ARID1A: variants seen among roughly 807,000 people sequenced by gnomAD.
ARID1A encodes the protein AT-rich interaction domain 1A.
In ARID1A, 20 loss-of-function variants were observed where a neutral mutation model predicts 212.6. The observed-to-expected ratio is 0.09, with a 90% confidence interval of 0.07 to 0.14. ARID1A has a LOEUF of 0.14. ARID1A is among the 10% of genes least tolerant of loss of function. The probability of loss-of-function intolerance (pLI) is 1.00; values close to 1 mark genes in which losing one functional copy is unlikely to be tolerated. For synonymous variants in ARID1A, 1,376 were observed against 1,222.1 expected, an observed-to-expected ratio of 1.13 and a Z score of -2.63; for missense variants, 2,587 against 3,059.0, an observed-to-expected ratio of 0.85 and a Z score of 3.64.
intron 4 of ARID1A, among the ~76,000 whole-genome samples, chr1:26,736,095 C>T (rs913573254): frequency 4.6e-5 from 7 of 151,878 alleles, no homozygotes; most frequent in Admixed American, 3.3e-4. Flanking sequence ...GAGGCCAAGG[C>T]GGGCAGATCA....
intron 1 of ARID1A, among the ~76,000 whole-genome samples, chr1:26,719,480 G>A (rs2080539034): frequency 6.6e-6 from 1 of 152,136 alleles, no homozygotes; most frequent in South Asian, 2.1e-4. Flanking sequence ...TGCTGGAGAT[G>A]GATTTGCACT....
chr1:26,768,168 G>A (rs893222407), intron 11 of ARID1A, among the ~76,000 whole-genome samples, 169 bp downstream of exon 11: 1 of 152,104 alleles, frequency 6.6e-6, no homozygotes, highest in African/African-American at 2.4e-5. Context: ...AGAAGATAAG[G>A]CAGGAAGCAG....
rs2080268412 is a variant in ARID1A at position 26,696,879 on chromosome 1, C to A, written c.476C>A (p.Ser159Tyr). The change falls in exon 1 of 20, where the codon TCT (serine) becomes TAT (tyrosine). Residue 159 changes from serine (S) to tyrosine (Y), a missense_variant. Ser to Tyr is a moderately radical substitution (Grantham distance 144). Around this residue, in one of 11 missense-constraint regions of ARID1A, gnomAD observed 735 missense variants for 590.6 expected, o/e 1.24. Transcript: ENST00000324856. The stretch of plus-strand genomic sequence containing the variant: ...GGGCAACCCTACGGCCGGAGCCCGT[C>A]TGCCGTCGCCGCCGCCGCGGCCGCC... ...GFGQPYGRSP[S>Y]AVAAAAAAVF... 2 of 1,361,128 alleles carry A rather than the reference C, an allele frequency of 1.5e-6. No homozygotes were observed. Among genetic ancestry groups the A allele is most frequent in the South Asian group, 3.8e-5 (2 of 52,462 alleles). The allele number at this position is 1,361,128 out of a possible 1,614,324, so 84.3% of individuals were successfully genotyped here. A position where few individuals can be genotyped will look rare whatever the true frequency, so the allele number is the denominator to read the frequency against.
rs1157530225 is a variant in ARID1A, at chr1:26,772,636, A to G, written c.3539+4A>G. The G allele has an allele frequency of 6.2e-6, 10 of 1,614,228 alleles. No homozygotes were observed. The highest frequency in any genetic ancestry group is 8.5e-6 in the Non-Finnish European group (10 of 1,180,038). On this transcript the variant is annotated splice_donor_region_variant and intron_variant, in intron 13 of 19. Coordinates refer to ENST00000324856, the MANE Select transcript of ARID1A (RefSeq NM_006015.6). ...TCCCCCCATTGCCAGGCATGAGGTA[A>G]GGCCAAGAGCAGGGGCAGATGGTTG...
rs757587518 is a variant in ARID1A, at chr1:26,773,819, A to G, written c.4022A>G (p.Asn1341Ser). Residue 1341 changes from asparagine (N) to serine (S), a missense_variant, in exon 17 of 20, where the codon AAT becomes AGT. By Grantham distance (46) the Asn-to-Ser change is conservative (BLOSUM62 1). This residue lies in a region of ARID1A where 890 missense variants were observed against 1,098.2 expected (regional missense o/e 0.81). Transcript: ENST00000324856. Reference sequence around the variant, plus strand: ...TCCTATAGACATGATTCCTATGGCAATCAGTTCTCCACCCAAGGCACCCCT... The same window carrying G: ...TCCTATAGACATGATTCCTATGGCAGTCAGTTCTCCACCCAAGGCACCCCT... ...QQQQRHDSYG[N>S]QFSTQGTPSG... 1.2e-6 allele frequency: 2 copies of G among 1,614,172 alleles called. No individual in the cohort carries two copies. Among genetic ancestry groups the G allele is most frequent in the Non-Finnish European group, 1.7e-6 (2 of 1,180,016 alleles).
intron 19 of ARID1A, 121 bp downstream of exon 19, chr1:26,775,828 G>A (rs111493866): frequency 6.8e-7 from 1 of 1,463,980 alleles, no homozygotes; most frequent in Non-Finnish European, 9.4e-7. Context: ...TATCTTCCAT[G>A]CCAGTACTTT....
intron 4 of ARID1A, among the ~76,000 whole-genome samples, chr1:26,739,310 G>C (rs1043753750): frequency 6.6e-6 from 1 of 152,228 alleles, no homozygotes; most frequent in African/African-American, 2.4e-5. Flanking sequence ...GAAGAGGTTA[G>C]CTAGTGCTTC....
At position 26,732,717 on chromosome 1, in the gene ARID1A, C is replaced by T; in HGVS notation, c.1845C>T (p.Ala615=). Residue 615 remains alanine, a synonymous_variant, in exon 4 of 20, where the codon GCC becomes GCT. Transcript: ENST00000324856. ...CATTTGGGTCTCAGGCATCCTCAGC[C>T]CCCTCAATGACCTCCAGTAAGGGAG... The part of the protein sequence containing the change: ...QDSFGSQASS[A]PSMTSSKGGQ... The T allele has an allele frequency of 6.2e-7, 1 of 1,614,040 alleles. No homozygotes were observed. The highest frequency in any genetic ancestry group is 1.3e-5 in the African/African-American group (1 of 75,022).
intron 8 of ARID1A, 68 bp downstream of exon 8, chr1:26,763,353 A>G: frequency 6.8e-7 from 1 of 1,472,418 alleles, no homozygotes; most frequent in Non-Finnish European, 9.1e-7. Flanking sequence ...CAGATTATTG[A>G]GATGCTTCTG....
chr1:26,752,691 T>G (rs2080895341), intron 4 of ARID1A, among the ~76,000 whole-genome samples: 1 of 152,238 alleles, frequency 6.6e-6, no homozygotes, highest in Admixed American at 6.5e-5. Flanking sequence ...CCTCCCATTC[T>G]TCAGCATGAG....
At position 26,781,751 on chromosome 1, in the gene ARID1A, A is replaced by G. The variant is rs1317726068; in HGVS notation, c.*995A>G. 7.3e-5 allele frequency: 17 copies of G among 233,662 alleles called. No homozygotes were observed. In the East Asian group the frequency reaches 9.0e-4, roughly 12 times the overall value. The allele number at this position is 233,662 out of a possible 1,614,324, so 14.5% of individuals were successfully genotyped here. A position where few individuals can be genotyped will look rare whatever the true frequency, so the allele number is the denominator to read the frequency against. ...AGACACAGCTATTTAATCTCTTGCC[A>G]GATATCGCCCCTCTTGGTGCGATGC... On this transcript the variant is annotated 3_prime_UTR_variant, in exon 20 of 20. Coordinates refer to ENST00000324856, the MANE Select transcript of ARID1A (RefSeq NM_006015.6).
chr1:26,767,460 C>T (rs558669119), intron 10 of ARID1A, among the ~76,000 whole-genome samples: 5 of 152,306 alleles, frequency 3.3e-5, no homozygotes, highest in Non-Finnish European at 7.4e-5. Flanking sequence ...ACTCAGCCTG[C>T]CACTTAAAAG....
chr1:26,773,056 T>A lies in ARID1A; in HGVS notation c.3715+69T>A, dbSNP rs543188486. On this transcript the variant is annotated intron_variant, in intron 14 of 19. Transcript: ENST00000324856. ...GGGCCAGTGAAATGGGGGGAAATCT[T>A]GAGAATGGCTCAGGGTTCTTGTGGA... The A allele has an allele frequency of 4.3e-5, 66 of 1,552,008 alleles. No homozygotes were observed. In the South Asian group the frequency reaches 6.8e-4, roughly 16 times the overall value.
intron 4 of ARID1A, among the ~76,000 whole-genome samples, chr1:26,740,106 G>A (rs2080773953): frequency 6.6e-6 from 1 of 152,104 alleles, no homozygotes; most frequent in Non-Finnish European, 1.5e-5. Context: ...GTTTTTTTGG[G>A]ATCTGGAGGA....
At chr1:26,750,275 C>G (rs924102692) in intron 4 of ARID1A, among the ~76,000 whole-genome samples, 1 of 152,190 alleles carries the variant, frequency 6.6e-6, no homozygotes, top group Non-Finnish European at 1.5e-5. Context: ...TCCTCACTGC[C>G]TCCACAAAAC....
Position 26,696,911 on chromosome 1 carries a change from C to T in ARID1A, c.508C>T (p.His170Tyr), listed in dbSNP as rs765306407. ...CGCCGCCGCCGCGGCCGCCGTCTTCCACCAACAACATGGCGGACAACAAAG... is the reference window on the plus strand; with the variant it reads ...CGCCGCCGCCGCGGCCGCCGTCTTCTACCAACAACATGGCGGACAACAAAG... ...AVAAAAAAVF[H>Y]QQHGGQQSPG... Residue 170 changes from histidine to tyrosine, a missense_variant, in exon 1 of 20, where the codon CAC (histidine) becomes TAC (tyrosine). His to Tyr is a moderately conservative substitution (Grantham distance 83, BLOSUM62 2). This residue lies in a region of ARID1A where 735 missense variants were observed against 590.6 expected (regional missense o/e 1.24). Coordinates refer to ENST00000324856, the MANE Select transcript of ARID1A (RefSeq NM_006015.6). The T allele has an allele frequency of 1.2e-5, 17 of 1,402,610 alleles. No homozygotes were observed. Among genetic ancestry groups the T allele is most frequent in the Non-Finnish European group, 1.5e-5 (16 of 1,080,142 alleles). 86.9% of individuals were successfully genotyped at this position (1,402,610 alleles called of 1,614,324 possible).
chr1:26,775,845 T>G (rs779793299), intron 19 of ARID1A, 138 bp downstream of exon 19: 2 of 1,334,238 alleles, frequency 1.5e-6, no homozygotes, highest in South Asian at 2.5e-5. Flanking sequence ...CTTTGCTTCC[T>G]TTGCCTCTGG....
At chr1:26,704,785 G>A (rs1442608069) in intron 1 of ARID1A, among the ~76,000 whole-genome samples, 2 of 151,912 alleles carry the variant, frequency 1.3e-5, no homozygotes, top group African/African-American at 4.8e-5. Flanking sequence ...CTTGAGCCCA[G>A]GAGGTTGAGG....
chr1:26,763,009 C>T lies in ARID1A; in HGVS notation c.2456C>T (p.Pro819Leu), dbSNP rs2124067906. 2 of 1,608,494 alleles carry T rather than the reference C, an allele frequency of 1.2e-6. No individual in the cohort carries two copies. The highest frequency in any genetic ancestry group is 1.7e-6 in the Non-Finnish European group (2 of 1,175,368). ...AGGCAGCCAAACTATAATGCCTTGC[C>T]CAATGCCAACTACCCCAGTGCAGGC... The part of the protein sequence containing the change: ...YPRQPNYNAL[P>L]NANYPSAGMA... Residue 819 changes from proline to leucine, a missense_variant, in exon 8 of 20, where the codon CCC (proline) becomes CTC (leucine). This residue lies in a region of ARID1A where 674 missense variants were observed against 813.4 expected (regional missense o/e 0.83). Coordinates refer to ENST00000324856, the MANE Select transcript of ARID1A (RefSeq NM_006015.6).
Sources: allele counts gnomAD v4.1 joint callset (sites outside exome capture counted in the v4.1 genomes callset), GRCh38; gene constraint gnomAD v4.1.1; regional missense constraint gnomAD v4.1.1; transcripts MANE v1.5; gene names NCBI Gene and HGNC (gene_info 2026-07-23, HGNC 2026-07-21).